The following ANXA11 variants were observed in gnomAD, a reference collection of about 807,000 sequenced individuals.
The protein encoded by ANXA11 is 56 kDa autoantigen.
In ANXA11, 57 loss-of-function variants were observed where a neutral mutation model predicts 64.7. The observed-to-expected ratio is 0.88, with a 90% confidence interval of 0.71 to 1.10. The LOEUF is 1.10. Ranked by LOEUF, ANXA11 falls within the 50% of genes least tolerant of loss-of-function variation. The probability of loss-of-function intolerance (pLI) is 0.00; values close to 1 mark genes in which losing one functional copy is unlikely to be tolerated. For synonymous variants in ANXA11, 260 were observed against 265.2 expected (o/e 0.98, Z 0.19); for missense variants, 675 against 670.7 (o/e 1.01, Z -0.07).
At position 80,172,892 on chromosome 10, in the gene ANXA11, A is replaced by G. The variant is rs772221499; in HGVS notation, c.-8-23T>C. 7.4e-6 allele frequency: 12 copies of G among 1,611,310 alleles called. No homozygotes were observed. In the South Asian group the frequency reaches 1.1e-4, roughly 15 times the overall value. ...GATCTGGAAGAGAAGACGAAAGCAC[A>G]TTCAGGCTCTGCCTGAGAGCCCCTG... On this transcript the variant is annotated intron_variant, in intron 2 of 15. Coordinates refer to ENST00000422982, the MANE Select transcript of ANXA11 (RefSeq NM_145868.2).
rs1564597883 is a variant in ANXA11 at position 80,157,780 on chromosome 10, C to T, written c.1336-17G>A. 1 of 1,608,970 alleles carries T rather than the reference C, an allele frequency of 6.2e-7. No homozygotes were observed. The highest frequency in any genetic ancestry group is 1.7e-5 in the Admixed American group (1 of 59,794). ...TCCTGCCCCCTAAAGAGAGTCCACC[C>T]AAGAGCATGAGCACCAGGCCTCCTC... On this transcript the variant is annotated splice_polypyrimidine_tract_variant and intron_variant, in intron 14 of 15. Transcript: ENST00000422982.
intron 1 of ANXA11, among the ~76,000 whole-genome samples, chr10:80,192,025 TG>T (rs1846799156): frequency 1.3e-5 from 2 of 151,768 alleles, no homozygotes; most frequent in South Asian, 4.2e-4. Flanking sequence ...CAGGGCAGGG[TG>T]GGTAGAGAGG....
Position 80,155,751 on chromosome 10 carries a change from C to T in ANXA11, c.*102G>A. ...AGGCCTAAGCTCTAGGACGGTGAATCTCGGGGCTATTTGTGGATTTGTTAG... is the reference window on the plus strand; with the variant it reads ...AGGCCTAAGCTCTAGGACGGTGAATTTCGGGGCTATTTGTGGATTTGTTAG... On this transcript the variant is annotated 3_prime_UTR_variant, in exon 16 of 16. Transcript: ENST00000422982. 1.7e-6 allele frequency: 2 copies of T among 1,166,714 alleles called. No homozygotes were observed. The highest frequency in any genetic ancestry group is 1.7e-5 in the Admixed American group (1 of 58,616). 72.3% of individuals were successfully genotyped at this position (1,166,714 alleles called of 1,614,324 possible).
chr10:80,162,648 G>T (rs573753852), intron 11 of ANXA11, among the ~76,000 whole-genome samples: 1 of 152,242 alleles, frequency 6.6e-6, no homozygotes, highest in Non-Finnish European at 1.5e-5. Context: ...GCCCTAACAA[G>T]GGGGCATTCC....
rs1462457122 is a variant in ANXA11 at position 80,166,873 on chromosome 10, C to G, written c.744+17G>C. 4 of 1,591,410 alleles carry G rather than the reference C, an allele frequency of 2.5e-6. No homozygotes were observed. The African/African-American group carries it at 5.4e-5, about 21-fold the overall frequency. Reference sequence around the variant, plus strand: ...AGGACACGCCTCACTGTCCCGCGCCCCCACCCCGCAGCTCGCCTTGCCGTA... The same window carrying G: ...AGGACACGCCTCACTGTCCCGCGCCGCCACCCCGCAGCTCGCCTTGCCGTA... On this transcript the variant is annotated intron_variant, in intron 7 of 15. Coordinates refer to ENST00000422982, the MANE Select transcript of ANXA11 (RefSeq NM_145868.2).
intron 12 of ANXA11, among the ~76,000 whole-genome samples, chr10:80,160,226 T>C (rs1349621233): frequency 6.6e-6 from 1 of 152,256 alleles, no homozygotes; most frequent in African/African-American, 2.4e-5. Flanking sequence ...ATGGGCTTGA[T>C]GCACTACTTA....
At position 80,167,988 on chromosome 10, in the gene ANXA11, G is replaced by A. The variant is rs145960567; in HGVS notation, c.562-675C>T. Among the ~76,000 whole-genome samples the A allele has an allele frequency of 2.6e-5, 4 of 152,294 alleles. No individual in the cohort carries two copies. In the East Asian group the frequency reaches 7.7e-4, roughly 29 times the overall value. On this transcript the variant is annotated intron_variant, in intron 5 of 15. Transcript: ENST00000422982. ...GGCAGCTCAGGGAAAAGATAAGGGAGGGAGGCTGGAGGATGGCACAGGGTG... is the reference window on the plus strand; with the variant it reads ...GGCAGCTCAGGGAAAAGATAAGGGAAGGAGGCTGGAGGATGGCACAGGGTG...
intron 1 of ANXA11, among the ~76,000 whole-genome samples, chr10:80,198,886 A>C (rs1488299871): frequency 6.6e-6 from 1 of 152,174 alleles, no homozygotes; most frequent in Non-Finnish European, 1.5e-5. Flanking sequence ...AATGCATGCA[A>C]GTATAATAAG....
chr10:80,194,854 A>C (rs1295906098), intron 1 of ANXA11, among the ~76,000 whole-genome samples: 1 of 152,186 alleles, frequency 6.6e-6, no homozygotes, highest in African/African-American at 2.4e-5. Flanking sequence ...CTGCATGGTG[A>C]CACTCGGCTA....
rs1845151576 is a variant in ANXA11 at position 80,151,219 on chromosome 10, T to TA, written c.*4633dup. 1 of 152,170 alleles carries TA rather than the reference T, an allele frequency of 6.6e-6. No individual in the cohort carries two copies. The highest frequency in any genetic ancestry group is 1.5e-5 in the Non-Finnish European group (1 of 68,048). 9.4% of individuals were successfully genotyped at this position (152,170 alleles called of 1,614,324 possible). A position where few individuals can be genotyped will look rare whatever the true frequency, so the allele number is the denominator to read the frequency against. On this transcript the variant is annotated 3_prime_UTR_variant, in exon 16 of 16. Transcript: ENST00000422982. The stretch of plus-strand genomic sequence containing the variant: ...TCTGCTTCAGGACTTCATCAGCTCT[T>TA]AGTGTTGAGAAGGAGTCAGGCTCAA...
At chr10:80,199,543 T>C (rs1262003982) in intron 1 of ANXA11, among the ~76,000 whole-genome samples, 1 of 152,108 alleles carries the variant, frequency 6.6e-6, no homozygotes, top group Non-Finnish European at 1.5e-5. Flanking sequence ...CAGTGGCTCA[T>C]GTCCGTAATC....
rs1230914826 is a variant in ANXA11 at position 80,166,191 on chromosome 10, T to C, written c.751A>G (p.Ile251Val). The C allele has an allele frequency of 6.3e-7, 1 of 1,592,840 alleles. No individual in the cohort carries two copies. The change falls in exon 8 of 16, where the codon ATC becomes GTC. Residue 251 changes from isoleucine to valine, a missense_variant. Transcript: ENST00000422982. ...GACAGTTCAGATTTCAGATCTTTGA[T>C]CAAATCCTGATTGGATATTCAAACA... Reference protein sequence around the residue: ...SFKTAYGKDLIKDLKSELSGN... With the variant: ...SFKTAYGKDLVKDLKSELSGN...
intron 4 of ANXA11, among the ~76,000 whole-genome samples, chr10:80,169,726 C>T (rs1360672564): frequency 6.6e-6 from 1 of 152,142 alleles, no homozygotes; most frequent in East Asian, 1.9e-4. Flanking sequence ...CAGCCTGCTA[C>T]CCACAGACAC....
intron 1 of ANXA11, among the ~76,000 whole-genome samples, chr10:80,199,287 C>T (rs746352409): frequency 2.0e-5 from 3 of 151,840 alleles, no homozygotes; most frequent in South Asian, 2.1e-4. Flanking sequence ...TTAGTAGAGG[C>T]GGGATTTCAC....
chr10:80,182,434 A>G (rs1846389074), intron 1 of ANXA11, among the ~76,000 whole-genome samples: 1 of 152,206 alleles, frequency 6.6e-6, no homozygotes, highest in African/African-American at 2.4e-5. Context: ...TTCAACGTAC[A>G]GTTTAAAACA....
At chr10:80,171,507 G>T in intron 3 of ANXA11, 1 of 616,010 alleles carries the variant, frequency 1.6e-6, no homozygotes, top group Non-Finnish European at 2.0e-6. Flanking sequence ...ACCGGTATGT[G>T]CCCTGGGGCA....
intron 1 of ANXA11, among the ~76,000 whole-genome samples, chr10:80,188,125 C>T (rs976322882): frequency 6.6e-6 from 1 of 151,996 alleles, no homozygotes; most frequent in Non-Finnish European, 1.5e-5. Flanking sequence ...CTACCACCCC[C>T]AATTACTCTC....
chr10:80,167,438 A>G (rs1180802916), intron 5 of ANXA11, 125 bp from the exon 6 acceptor site: 3 of 776,894 alleles, frequency 3.9e-6, no homozygotes, highest in Non-Finnish European at 6.5e-6. Context: ...AAAGGAGTCC[A>G]CAGTCAACAA....
In ANXA11 at chr10:80,157,634, C is replaced by A; in HGVS notation, c.1458+7G>T. ...GGGAGCCCAGTTGGCCTGCAGCAGGCCCGTACCGAGATGTCGTGGTACAGC... is the reference window on the plus strand; with the variant it reads ...GGGAGCCCAGTTGGCCTGCAGCAGGACCGTACCGAGATGTCGTGGTACAGC... On this transcript the variant is annotated splice_region_variant and intron_variant, in intron 15 of 15. Coordinates refer to ENST00000422982, the MANE Select transcript of ANXA11 (RefSeq NM_145868.2). The A allele has an allele frequency of 1.2e-6, 2 of 1,611,808 alleles. No homozygotes were observed. Among genetic ancestry groups the A allele is most frequent in the Admixed American group, 1.7e-5 (1 of 59,868 alleles).
Sources: gnomAD v4.1 joint callset for allele counts (sites outside exome capture counted in the v4.1 genomes callset) on GRCh38, gnomAD v4.1.1 for gene constraint, MANE v1.5 for transcripts, NCBI Gene and HGNC (gene_info 2026-07-23, HGNC 2026-07-21) for gene names.